Variants in MYH16 observed in about 807,000 individuals in gnomAD.
The protein encoded by MYH16 is putative uncharacterized protein MYH16.
At chr7:99,298,786 CTTTAAG>C (rs1792543567) in intron 36 of MYH16, among the ~76,000 whole-genome samples, 1 of 143,866 alleles carries the variant, frequency 7.0e-6, no homozygotes, top group African/African-American at 2.6e-5. Flanking sequence ...TTTAATTATA[CTTTAAG>C]TTTTAGAGTA....
downstream of MYH16, chr7:99,310,604 C>A (rs1307263065): frequency 6.6e-6 from 1 of 152,180 alleles, no homozygotes; most frequent in Non-Finnish European, 1.5e-5. Flanking sequence ...GGAAGGAAGC[C>A]TTTGCAGAAG....
chr7:99,246,076 C>T (rs1009950080), intron 2 of MYH16, among the ~76,000 whole-genome samples: 2 of 151,956 alleles, frequency 1.3e-5, no homozygotes, highest in African/African-American at 4.8e-5. Flanking sequence ...TTAGTGGGCA[C>T]ATGCCCGTAG....
At chr7:99,267,341 G>A (rs1217845116) in intron 18 of MYH16, among the ~76,000 whole-genome samples, 1 of 152,122 alleles carries the variant, frequency 6.6e-6, no homozygotes, top group African/African-American at 2.4e-5. Context: ...TGATCCTCCT[G>A]CCTCAGCCTC....
intron 4 of MYH16, among the ~76,000 whole-genome samples, chr7:99,249,193 C>A (rs1223548571): frequency 6.6e-6 from 1 of 152,080 alleles, no homozygotes; most frequent in African/African-American, 2.4e-5. Flanking sequence ...GCCTCCCTGT[C>A]CCCAGGACCT....
chr7:99,277,490 C>G (rs755671942), intron 20 of MYH16, 49 bp from the exon 3 acceptor site: 127 of 434,584 alleles, frequency 2.9e-4, no homozygotes, highest in Non-Finnish European at 5.2e-4. Context: ...CGTCTACCCC[C>G]CAGCAAACCC....
intron 13 of MYH16, among the ~76,000 whole-genome samples, chr7:99,262,803 C>G (rs561307988): frequency 1.3e-5 from 2 of 152,298 alleles, no homozygotes; most frequent in African/African-American, 4.8e-5. Flanking sequence ...CAGCCAATGA[C>G]CCTACAGTGA....
intron 36 of MYH16, among the ~76,000 whole-genome samples, chr7:99,299,100 A>C (rs1327448089): frequency 6.7e-6 from 1 of 150,304 alleles, no homozygotes; most frequent in African/African-American, 2.5e-5. Context: ...AAAAAAAAAT[A>C]GCTGGGTGTG....
intron 18 of MYH16, among the ~76,000 whole-genome samples, chr7:99,268,413 G>A (rs1173263096): frequency 6.6e-6 from 1 of 152,228 alleles, no homozygotes. Flanking sequence ...GAGCTAGTCG[G>A]CATAAGGCCC....
chr7:99,265,116 A>C (rs953859400), exon 16 of MYH16: 3 of 152,674 alleles, frequency 2.0e-5, no homozygotes, highest in Non-Finnish European at 4.4e-5. Context: ...GCAGCTGAAC[A>C]AGCTGATGAC....
At chr7:99,248,928 C>G (rs886970844) in intron 3 of MYH16, 1 of 152,608 alleles carries the variant, frequency 6.6e-6, no homozygotes, top group Non-Finnish European at 1.5e-5. Context: ...GGGGCATTGT[C>G]GAATGCCTAG....
chr7:99,286,032 CCCAGGCATAGAAT>C (rs971387605), intron 27 of MYH16, among the ~76,000 whole-genome samples: 1 of 152,240 alleles, frequency 6.6e-6, no homozygotes, highest in African/African-American at 2.4e-5. Context: ...CACAAGGCCC[CCCAGGCATAGAAT>C]CCTGGCTTCT....
At chr7:99,299,573 A>T (rs753248368) in exon 37 of MYH16, 211 of 153,808 alleles carry the variant, frequency 1.4e-3, no homozygotes, top group Non-Finnish European at 2.3e-3. Context: ...ACGGACCTGA[A>T]TGAGATGGAA....
chr7:99,293,868 C>G, intron 32 of MYH16, 150 bp from the exon 14 acceptor site: 1 of 299,394 alleles, frequency 3.3e-6, no homozygotes, highest in South Asian at 2.7e-5. Flanking sequence ...GAATGGACAG[C>G]TGTGGCTGTC....
At chr7:99,280,935 C>T (rs1195993401) in exon 23 of MYH16, 1 of 427,148 alleles carries the variant, frequency 2.3e-6, no homozygotes, top group African/African-American at 2.1e-5. Context: ...AAGACTCCAT[C>T]ACCAAGCTCC....
intron 33 of MYH16, among the ~76,000 whole-genome samples, chr7:99,295,939 TG>T (rs1247756294): frequency 6.6e-6 from 1 of 151,102 alleles, no homozygotes; most frequent in Non-Finnish European, 1.5e-5. Context: ...GTCAGGAGTT[TG>T]AGAGCAGCTT....
intron 2 of MYH16, among the ~76,000 whole-genome samples, chr7:99,243,578 T>TTA (rs1791692740): frequency 6.6e-6 from 1 of 152,170 alleles, no homozygotes; most frequent in African/African-American, 2.4e-5. Flanking sequence ...TTCTGACATG[T>TTA]TAGAATTTCC....
At chr7:99,264,537 G>C (rs1049613941) in intron 15 of MYH16, among the ~76,000 whole-genome samples, 10 of 152,224 alleles carry the variant, frequency 6.6e-5, no homozygotes, top group Admixed American at 5.9e-4. Flanking sequence ...GATCACGCGA[G>C]ATAGCAATGC....
rs1436433326 is a variant in MYH16 at position 99,249,584 on chromosome 7, T to TG, written n.540-395_540-394insG. On this transcript the variant is annotated intron_variant and non_coding_transcript_variant, in intron 4 of 41. Coordinates refer to ENST00000439784, the Ensembl canonical transcript of MYH16. The stretch of plus-strand genomic sequence containing the variant: ...AAAGAAAAGTGCTGTTTTTTTTTTT[T>TG]TTTTTTTTTTTTTGAGATGGAGTCT... Among the ~76,000 whole-genome samples the TG allele has an allele frequency of 2.8e-3, 369 of 133,828 alleles. 2 individuals carry two copies. Among genetic ancestry groups the TG allele is most frequent in the Middle Eastern group, 3.7e-3 (1 of 268 alleles). The allele number at this position is 133,828 out of a possible 152,430, so 87.8% of individuals were successfully genotyped here.
chr7:99,271,976 C>T (rs902167516), intron 19 of MYH16, among the ~76,000 whole-genome samples: 4 of 152,184 alleles, frequency 2.6e-5, no homozygotes, highest in African/African-American at 7.2e-5. Flanking sequence ...GGATTACAGG[C>T]GTGAGCCACT....
Sources: allele counts gnomAD v4.1 joint callset (sites outside exome capture counted in the v4.1 genomes callset), GRCh38; gene constraint gnomAD v4.1.1; transcripts MANE v1.5; gene names NCBI Gene and HGNC (gene_info 2026-07-23, HGNC 2026-07-21).